Variants in CACNA1D observed in about 807,000 individuals in gnomAD.
CACNA1D encodes voltage-dependent L-type calcium channel subunit alpha-1D.
CACNA1D carries 55 observed loss-of-function variants against 257.1 expected under a neutral mutation model. The observed-to-expected ratio is 0.21, with a 90% CI of 0.17 to 0.27. The LOEUF is 0.27. Among genes scored for constraint, CACNA1D ranks in the 10% least tolerant of loss-of-function variants. The pLI is 1.00. For missense variants in CACNA1D, 1,876 were observed against 2,784.0 expected (o/e 0.67, Z 7.34); for synonymous variants, 980 against 1,014.9 (o/e 0.97, Z 0.65).
At chr3:53,620,499 C>T (rs184078054) in intron 3 of CACNA1D, among the ~76,000 whole-genome samples, 2 of 152,120 alleles carry the variant, frequency 1.3e-5, no homozygotes, top group Non-Finnish European at 2.9e-5. Flanking sequence ...ACAGTGTTGC[C>T]CAGACTGGTC....
intron 4 of CACNA1D, among the ~76,000 whole-genome samples, chr3:53,653,706 A>C (rs2094120796): frequency 7.0e-6 from 1 of 141,986 alleles, no homozygotes; most frequent in African/African-American, 2.5e-5. Context: ...GTGGGGGAAT[A>C]ACAAGTGGTC....
chr3:53,778,633 A>C (rs1468763625), intron 37 of CACNA1D, among the ~76,000 whole-genome samples: 1 of 152,224 alleles, frequency 6.6e-6, no homozygotes, highest in Non-Finnish European at 1.5e-5. Flanking sequence ...TGTGTCCGTG[A>C]GTCCTTTAAT....
Position 53,732,055 on chromosome 3 carries a change from G to A in CACNA1D, c.2446G>A (p.Asp816Asn). ...DDYREEDEDK[D>N]PYPPCDVPVG... ...CTATAGAGAAGAGGATGAAGACAAG[G>A]ACCCCTATCCGCCTTGCGATGTGCC... Residue 816 changes from aspartate (D) to asparagine (N), a missense_variant, in exon 18 of 48, where the codon GAC (aspartate) becomes AAC (asparagine). Transcript: ENST00000350061. The A allele has an allele frequency of 6.2e-7, 1 of 1,613,226 alleles. No individual in the cohort carries two copies.
chr3:53,628,805 T>C (rs1046494343), intron 3 of CACNA1D, among the ~76,000 whole-genome samples: 1 of 152,226 alleles, frequency 6.6e-6, no homozygotes, highest in African/African-American at 2.4e-5. Flanking sequence ...AGAACCTGTT[T>C]GTAAAAATGT....
At chr3:53,809,493 A>C in intron 46 of CACNA1D, 1 of 203,312 alleles carries the variant, frequency 4.9e-6, no homozygotes, top group Non-Finnish European at 1.0e-5. Context: ...CCGTGGTGGG[A>C]TTGTAAGACC....
At chr3:53,663,777 G>GTC (rs541515346) in intron 5 of CACNA1D, among the ~76,000 whole-genome samples, 2,702 of 149,558 alleles carry the variant, frequency 0.018, 30 homozygotes, top group Non-Finnish European at 0.025. Context: ...GGAAATAATC[G>GTC]TCTCTCTCTC....
intron 20 of CACNA1D, 115 bp downstream of exon 20, chr3:53,735,618 C>G (rs2095050048): frequency 8.5e-7 from 1 of 1,182,950 alleles, no homozygotes. Context: ...GTAGGTCTTT[C>G]CTTCAGCTGG....
chr3:53,542,852 C>T (rs190552831), intron 3 of CACNA1D, among the ~76,000 whole-genome samples: 4 of 151,884 alleles, frequency 2.6e-5, no homozygotes, highest in Admixed American at 2.0e-4. Flanking sequence ...GTCAGGAGTT[C>T]GAGACCATTC....
chr3:53,542,059 G>A (rs2092310725), intron 3 of CACNA1D, among the ~76,000 whole-genome samples: 1 of 152,086 alleles, frequency 6.6e-6, no homozygotes. Flanking sequence ...TAATCAAAAT[G>A]TTCTAAGATT....
intron 3 of CACNA1D, among the ~76,000 whole-genome samples, chr3:53,509,308 T>C (rs1360961615): frequency 1.3e-5 from 2 of 150,620 alleles, no homozygotes; most frequent in Non-Finnish European, 3.0e-5. Flanking sequence ...TTTGAGAGAG[T>C]AAGAGAGAGC....
At position 53,811,020 on chromosome 3, in the gene CACNA1D, TTAAGTTAGCACTG is replaced by T; in HGVS notation, c.6193-92_6193-80del. On this transcript the variant is annotated intron_variant, in intron 47 of 47. Coordinates refer to ENST00000350061, the MANE Select transcript of CACNA1D (RefSeq NM_001128840.3). The surrounding 1 kb of genome is among the most constrained non-coding windows in gnomAD (Gnocchi z 4.2). ...TGCATCCCCAAAGCACACGGTGCAG[TTAAGTTAGCACTG>T]GAGTTGATTTTTCTGTCGTCCCCCT... The T allele has an allele frequency of 1.1e-6, 1 of 940,814 alleles. No homozygotes were observed. The highest frequency in any genetic ancestry group is 1.8e-6 in the Non-Finnish European group (1 of 567,218). The allele number at this position is 940,814 out of a possible 1,614,324, so 58.3% of individuals were successfully genotyped here.
At chr3:53,591,043 G>A (rs1347476069) in intron 3 of CACNA1D, among the ~76,000 whole-genome samples, 1 of 152,136 alleles carries the variant, frequency 6.6e-6, no homozygotes, top group Non-Finnish European at 1.5e-5. Context: ...CTTTCCTCCT[G>A]TGCAGTTGCA....
At chr3:53,710,785 T>G (rs549469151) in intron 9 of CACNA1D, among the ~76,000 whole-genome samples, 2 of 152,352 alleles carry the variant, frequency 1.3e-5, no homozygotes, top group African/African-American at 4.8e-5. Context: ...TTTCCCCAAA[T>G]GATTTTTTTA....
At chr3:53,782,069 A>G (rs1028624926) in intron 39 of CACNA1D, 1 of 177,266 alleles carries the variant, frequency 5.6e-6, no homozygotes, top group Non-Finnish European at 1.2e-5. Context: ...GCTTTCAGGA[A>G]ATTGTATTTT....
At chr3:53,736,833 A>G (rs2095061641) in intron 20 of CACNA1D, among the ~76,000 whole-genome samples, 1 of 151,602 alleles carries the variant, frequency 6.6e-6, no homozygotes, top group South Asian at 2.1e-4. Context: ...GCCTGAAGTC[A>G]GCTGTGTTCA....
chr3:53,742,255 C>G (rs904208112), intron 21 of CACNA1D, among the ~76,000 whole-genome samples: 4 of 152,210 alleles, frequency 2.6e-5, no homozygotes, highest in Non-Finnish European at 4.4e-5. Context: ...TGAGCCTTCT[C>G]CAACCTTTTT....
At chr3:53,810,770 A>AAC (rs2095594954) in intron 47 of CACNA1D, among the ~76,000 whole-genome samples, 1 of 146,616 alleles carries the variant, frequency 6.8e-6, no homozygotes, top group Non-Finnish European at 1.5e-5. Flanking sequence ...AAAAAAAAAA[A>AAC]AAAAAAAAAA....
intron 8 of CACNA1D, among the ~76,000 whole-genome samples, chr3:53,674,963 G>C (rs2094360040): frequency 6.6e-6 from 1 of 152,212 alleles, no homozygotes; most frequent in African/African-American, 2.4e-5. Context: ...CATGTATGCT[G>C]AGTTAGTGAA....
Position 53,813,125 on chromosome 3 carries a change from GTTAATTTTT to G in CACNA1D, c.*1722_*1730del, listed in dbSNP as rs2095607822. The G allele has an allele frequency of 8.8e-6, 1 of 113,646 alleles. No individual in the cohort carries two copies. The highest frequency in any genetic ancestry group is 1.7e-5 in the Non-Finnish European group (1 of 59,336). 7.0% of individuals were successfully genotyped at this position (113,646 alleles called of 1,614,324 possible). A position where few individuals can be genotyped will look rare whatever the true frequency, so the allele number is the denominator to read the frequency against. ...ATTTTTAATAGTATACAGACAACCT[GTTAATTTTT>G]TTTTTTTTTTTTTTTTTTGTAAATA... is the stretch of plus-strand genomic sequence containing the variant. On this transcript the variant is annotated 3_prime_UTR_variant, in exon 48 of 48. Transcript: ENST00000350061.
Sources: gnomAD v4.1 joint callset for allele counts (sites outside exome capture counted in the v4.1 genomes callset) on GRCh38, gnomAD v4.1.1 for gene constraint, Gnocchi (gnomAD v3.1) non-coding constraint, MANE v1.5 for transcripts, NCBI Gene and HGNC (gene_info 2026-07-23, HGNC 2026-07-21) for gene names.